The following IL1RAPL2 variants were observed in gnomAD, a reference collection of about 807,000 sequenced individuals.
IL1RAPL2 encodes the protein interleukin 1 receptor accessory protein like 2.
In IL1RAPL2, 3 loss-of-function variants were observed where a neutral mutation model predicts 44.1. That is an observed-to-expected ratio of 0.07 (90% CI 0.03 to 0.18). The LOEUF (loss-of-function observed/expected upper bound fraction) is 0.18. Among genes scored for constraint, IL1RAPL2 ranks in the 10% least tolerant of loss-of-function variants. The pLI is 1.00. For missense variants in IL1RAPL2, 391 were observed against 496.4 expected, an observed-to-expected ratio of 0.79 and a Z score of 2.02; for synonymous variants, 181 against 178.8, an observed-to-expected ratio of 1.01 and a Z score of -0.10.
intron 2 of IL1RAPL2, among the ~76,000 whole-genome samples, chrX:104,659,249 G>A (rs1189671118): frequency 8.9e-6 from 1 of 111,951 alleles, no homozygotes; most frequent in Non-Finnish European, 1.9e-5. Flanking sequence ...GGCCTACTTA[G>A]AGTTGGTTAC....
intron 5 of IL1RAPL2, among the ~76,000 whole-genome samples, chrX:105,429,436 C>T (rs2035832953): frequency 8.9e-6 from 1 of 111,784 alleles, no homozygotes; most frequent in African/African-American, 3.2e-5. Context: ...CAGTGGTTTT[C>T]AAAATTTAAT....
intron 1 of IL1RAPL2, among the ~76,000 whole-genome samples, chrX:104,613,303 T>A (rs1929202483): frequency 8.9e-6 from 1 of 111,777 alleles, no homozygotes; most frequent in Admixed American, 9.5e-5. Flanking sequence ...TGTGGGTTTG[T>A]CATAGGTGGC....
intron 2 of IL1RAPL2, among the ~76,000 whole-genome samples, chrX:104,730,005 A>G (rs1362817073): frequency 2.7e-5 from 3 of 111,327 alleles, no homozygotes; most frequent in Non-Finnish European, 5.7e-5. Context: ...CAGCATTACA[A>G]TGATGATATA....
chrX:105,697,920 G>A (rs2038089928), intron 6 of IL1RAPL2, among the ~76,000 whole-genome samples: 1 of 111,062 alleles, frequency 9.0e-6, no homozygotes, highest in South Asian at 3.8e-4. Context: ...ACATTGTTAG[G>A]ACCAGAATTT....
intron 5 of IL1RAPL2, among the ~76,000 whole-genome samples, chrX:105,414,503 A>G (rs1249019754): frequency 9.0e-6 from 1 of 111,676 alleles, no homozygotes; most frequent in Non-Finnish European, 1.9e-5. Context: ...CCTTAACTTG[A>G]ATTTATAAGA....
At chrX:104,580,912 A>G (rs1928332634) in intron 1 of IL1RAPL2, among the ~76,000 whole-genome samples, 1 of 112,397 alleles carries the variant, frequency 8.9e-6, no homozygotes, top group South Asian at 3.7e-4. Flanking sequence ...TGAGATGGGC[A>G]GTTGAACTAT....
chrX:105,668,843 C>T (rs761844983), intron 6 of IL1RAPL2, among the ~76,000 whole-genome samples: 40 of 111,406 alleles, frequency 3.6e-4, no homozygotes, highest in African/African-American at 1.2e-3. Flanking sequence ...AAACCTAAAG[C>T]GATATTGAAA....
chrX:105,033,218 T>G (rs2031547513), intron 2 of IL1RAPL2, among the ~76,000 whole-genome samples: 1 of 111,845 alleles, frequency 8.9e-6, no homozygotes, highest in Non-Finnish European at 1.9e-5. Flanking sequence ...ATTTAGCCCA[T>G]TTACCTTTAA....
At chrX:104,912,137 A>AT (rs11319968) in intron 2 of IL1RAPL2, among the ~76,000 whole-genome samples, 1 of 105,361 alleles carries the variant, frequency 9.5e-6, no homozygotes, top group African/African-American at 3.5e-5. Flanking sequence ...GTGGACAGGG[A>AT]TTTTTTTTTT....
intron 2 of IL1RAPL2, among the ~76,000 whole-genome samples, chrX:105,183,540 A>T (rs1556132127): frequency 9.0e-6 from 1 of 111,167 alleles, no homozygotes; most frequent in East Asian, 2.9e-4. Flanking sequence ...TGTGGGGAGA[A>T]CTTGTCATCA....
intron 2 of IL1RAPL2, among the ~76,000 whole-genome samples, chrX:104,856,984 C>A (rs1454277857): frequency 3.6e-5 from 4 of 112,099 alleles, no homozygotes; most frequent in African/African-American, 1.3e-4. Context: ...TGCCCTCAAA[C>A]TTTACTTTCT....
intron 2 of IL1RAPL2, among the ~76,000 whole-genome samples, chrX:104,944,496 T>C (rs1402019370): frequency 8.9e-6 from 1 of 111,929 alleles, no homozygotes; most frequent in Non-Finnish European, 1.9e-5. Flanking sequence ...AAATTGATCT[T>C]GCTATGTGAA....
At chrX:104,990,418 G>GTT (rs58912564) in intron 2 of IL1RAPL2, among the ~76,000 whole-genome samples, 128 of 107,899 alleles carry the variant, frequency 1.2e-3, no homozygotes, top group Non-Finnish European at 1.7e-3. Flanking sequence ...GGAGGTGTAT[G>GTT]TTTTTTTTTA....
intron 5 of IL1RAPL2, among the ~76,000 whole-genome samples, chrX:105,397,450 G>A (rs2035572363): frequency 9.1e-6 from 1 of 110,448 alleles, no homozygotes; most frequent in African/African-American, 3.3e-5. Flanking sequence ...ATAAATAAAT[G>A]GAATTTTTAG....
chrX:104,603,648 C>T (rs1928934456), intron 1 of IL1RAPL2, among the ~76,000 whole-genome samples: 1 of 111,384 alleles, frequency 9.0e-6, no homozygotes, highest in South Asian at 3.8e-4. Flanking sequence ...AAGAGAACTT[C>T]GTGAAACATA....
intron 2 of IL1RAPL2, among the ~76,000 whole-genome samples, chrX:105,028,071 C>G (rs2031406440): frequency 1.8e-5 from 2 of 110,886 alleles, no homozygotes; most frequent in Non-Finnish European, 3.8e-5. Context: ...GTAAAATAAG[C>G]CAGGCACAGA....
At chrX:104,773,243 A>G (rs930743371) in intron 2 of IL1RAPL2, among the ~76,000 whole-genome samples, 1 of 111,819 alleles carries the variant, frequency 8.9e-6, no homozygotes. Context: ...AAAGTAAAAC[A>G]TATTTGGATC....
intron 1 of IL1RAPL2, among the ~76,000 whole-genome samples, chrX:104,641,015 A>T (rs1323337933): frequency 8.9e-6 from 1 of 112,061 alleles, no homozygotes; most frequent in Non-Finnish European, 1.9e-5. Flanking sequence ...GTCAGCAGTG[A>T]CTGGGTAGGT....
At chrX:104,701,323 C>T (rs1168459830) in intron 2 of IL1RAPL2, among the ~76,000 whole-genome samples, 1 of 111,659 alleles carries the variant, frequency 9.0e-6, no homozygotes, top group East Asian at 2.8e-4. Flanking sequence ...ACAGAAAGGT[C>T]GAGTGACTTT....
Sources: allele counts gnomAD v4.1 joint callset (sites outside exome capture counted in the v4.1 genomes callset), GRCh38; gene constraint gnomAD v4.1.1; transcripts MANE v1.5; gene names NCBI Gene and HGNC (gene_info 2026-07-23, HGNC 2026-07-21).